MARCHF1: variants seen among roughly 807,000 people sequenced by gnomAD.
MARCHF1 encodes the protein membrane associated ring-CH-type finger 1, also known as E3 ubiquitin-protein ligase MARCHF1.
Under a neutral mutation model 54.2 loss-of-function variants are expected in MARCHF1, and 40 were observed. That is an observed-to-expected ratio of 0.74 (90% CI 0.57 to 0.96). The LOEUF is 0.96. MARCHF1 is among the 40% of genes least tolerant of loss of function. The probability of loss-of-function intolerance (pLI) is 0.00; values close to 1 mark genes in which losing one functional copy is unlikely to be tolerated. For missense variants in MARCHF1, 586 were observed against 656.5 expected (o/e 0.89, Z 1.17); for synonymous variants, 236 against 236.3 (o/e 1.00, Z 0.01).
intron 1 of MARCHF1, among the ~76,000 whole-genome samples, chr4:164,131,223 G>C (rs1579559368): frequency 6.6e-6 from 1 of 152,234 alleles, no homozygotes; most frequent in South Asian, 2.1e-4. Context: ...GAGACATGGA[G>C]CTAGAATGCC....
intron 2 of MARCHF1, among the ~76,000 whole-genome samples, chr4:164,009,876 T>A (rs988584314): frequency 6.6e-6 from 1 of 152,054 alleles, no homozygotes; most frequent in Non-Finnish European, 1.5e-5. Flanking sequence ...CTTTTAAGGT[T>A]TGGAAAAATA....
At chr4:163,946,205 C>T (rs1298780353) in intron 3 of MARCHF1, among the ~76,000 whole-genome samples, 2 of 152,078 alleles carry the variant, frequency 1.3e-5, no homozygotes, top group Non-Finnish European at 2.9e-5. Flanking sequence ...CTCTCAACGT[C>T]GCAAATATAT....
At chr4:163,668,473 C>A (rs893216613) in intron 5 of MARCHF1, among the ~76,000 whole-genome samples, 1 of 152,072 alleles carries the variant, frequency 6.6e-6, no homozygotes, top group Non-Finnish European at 1.5e-5. Context: ...AAGAATGACT[C>A]ATTCTAAGAA....
intron 1 of MARCHF1, among the ~76,000 whole-genome samples, chr4:164,308,944 C>G (rs1734769195): frequency 6.7e-6 from 1 of 148,732 alleles, no homozygotes; most frequent in Non-Finnish European, 1.5e-5. Flanking sequence ...CCATGTACTC[C>G]TGAACCTAAA....
chr4:163,589,866 A>G (rs1208480361), intron 7 of MARCHF1, among the ~76,000 whole-genome samples: 1 of 152,128 alleles, frequency 6.6e-6, no homozygotes, highest in Non-Finnish European at 1.5e-5. Flanking sequence ...ACCTAGTGAC[A>G]GCTACATACA....
intron 3 of MARCHF1, among the ~76,000 whole-genome samples, chr4:163,941,254 C>T (rs1751906311): frequency 1.3e-5 from 2 of 151,906 alleles, no homozygotes; most frequent in African/African-American, 4.8e-5. Context: ...GTGAAAAGAA[C>T]GGCAAACTCA....
chr4:164,223,671 T>C (rs981532088), intron 1 of MARCHF1, among the ~76,000 whole-genome samples: 1 of 151,904 alleles, frequency 6.6e-6, no homozygotes, highest in Admixed American at 6.6e-5. Context: ...CCAGTGATTT[T>C]CATGCCCATC....
chr4:163,645,453 T>G (rs796128796), intron 5 of MARCHF1, among the ~76,000 whole-genome samples: 7 of 152,202 alleles, frequency 4.6e-5, no homozygotes, highest in African/African-American at 7.2e-5. Context: ...AACGAGTCTA[T>G]GGATAACGAA....
chr4:163,997,925 TAC>T (rs5863648), intron 2 of MARCHF1, among the ~76,000 whole-genome samples: 9,037 of 148,152 alleles, frequency 0.061, 298 homozygotes, highest in East Asian at 0.091. Context: ...TTGCCTTAAA[TAC>T]ACACACACAC....
intron 1 of MARCHF1, among the ~76,000 whole-genome samples, chr4:164,338,969 T>C (rs929321998): frequency 2.0e-5 from 3 of 151,576 alleles, no homozygotes; most frequent in Admixed American, 1.3e-4. Flanking sequence ...CAAAACTCCA[T>C]CTCAAAAAAA....
chr4:164,366,930 A>C (rs201535266), intron 1 of MARCHF1, among the ~76,000 whole-genome samples: 2 of 107,238 alleles, frequency 1.9e-5, no homozygotes, highest in Non-Finnish European at 4.2e-5. Flanking sequence ...ACCTCACAGC[A>C]TTTTTACCTT....
intron 1 of MARCHF1, among the ~76,000 whole-genome samples, chr4:164,306,500 C>T (rs770871620): frequency 2.0e-5 from 3 of 151,782 alleles, no homozygotes; most frequent in Non-Finnish European, 4.4e-5. Flanking sequence ...ATCATTTTTT[C>T]CTCACTGCAG....
chr4:163,672,995 T>C (rs182087878), intron 5 of MARCHF1, among the ~76,000 whole-genome samples: 1 of 152,302 alleles, frequency 6.6e-6, no homozygotes, highest in East Asian at 1.9e-4. Flanking sequence ...CTTCCTCCCC[T>C]TAATCCAGGA....
rs73868927 is a variant in MARCHF1, at chr4:163,884,901, A to G, written c.-38-30732T>C. Among the ~76,000 whole-genome samples, 1,112 of 152,276 alleles carry G rather than the reference A, an allele frequency of 7.3e-3. 17 individuals are homozygous for G. Among genetic ancestry groups the G allele is most frequent in the African/African-American group, 0.026 (1,080 of 41,548 alleles). On this transcript the variant is annotated intron_variant, in intron 3 of 9. Transcript: ENST00000514618. ...CATACCAAAAATACTTCAAAAGAAAATTTAGAGACTAAAGGGGGACACTTA... is the reference window on the plus strand; with the variant it reads ...CATACCAAAAATACTTCAAAAGAAAGTTTAGAGACTAAAGGGGGACACTTA...
At chr4:163,808,317 G>A (rs937327004) in intron 4 of MARCHF1, among the ~76,000 whole-genome samples, 44 of 152,254 alleles carry the variant, frequency 2.9e-4, no homozygotes, top group African/African-American at 9.6e-4. Context: ...GTACACAACT[G>A]GCAGGCCTGC....
intron 2 of MARCHF1, among the ~76,000 whole-genome samples, chr4:164,089,610 T>C (rs574698698): frequency 2.6e-5 from 4 of 152,204 alleles, no homozygotes; most frequent in African/African-American, 9.6e-5. Context: ...GAGTTGATGC[T>C]ATAGAAACTT....
chr4:164,142,847 G>A (rs1020557502), intron 1 of MARCHF1, among the ~76,000 whole-genome samples: 1 of 152,118 alleles, frequency 6.6e-6, no homozygotes, highest in African/African-American at 2.4e-5. Context: ...GCTGAGAGAA[G>A]AAGGCTTCAG....
intron 2 of MARCHF1, among the ~76,000 whole-genome samples, chr4:164,019,519 C>T (rs1753615843): frequency 6.6e-6 from 1 of 152,132 alleles, no homozygotes; most frequent in South Asian, 2.1e-4. Context: ...TAGAACACTG[C>T]AATCTGTGAC....
At position 163,612,384 on chromosome 4, in the gene MARCHF1, C is replaced by A; in HGVS notation, c.897G>T (p.Leu299=). The A allele has an allele frequency of 2.0e-6, 3 of 1,535,408 alleles. No homozygotes were observed. Among genetic ancestry groups the A allele is most frequent in the Middle Eastern group, 1.7e-4 (1 of 5,982 alleles). Residue 299 remains leucine (L), a synonymous_variant, in exon 7 of 10, where the codon CTG becomes CTT. Coordinates refer to ENST00000514618, the MANE Select transcript of MARCHF1 (RefSeq NM_001394959.1). ...TGTCCTTGCTGCCTTCTGGAACTCC[C>A]AGTATTTCAGTGCTGGAATCTGTTT... ...FSETDSSTEI[L]GVPEGSKDMN... is the part of the protein sequence containing the mutation.
Sources: allele counts gnomAD v4.1 joint callset (sites outside exome capture counted in the v4.1 genomes callset), GRCh38; gene constraint gnomAD v4.1.1; transcripts MANE v1.5; gene names NCBI Gene and HGNC (gene_info 2026-07-23, HGNC 2026-07-21).